Variants in PKNOX1 observed in about 807,000 individuals in gnomAD.
PKNOX1 encodes the protein PBX/knotted 1 homeobox 1, also known as homeobox protein PKNOX1.
PKNOX1 carries 15 observed loss-of-function variants against 51.9 expected under a neutral mutation model. The ratio of observed to expected loss-of-function variants is 0.29; its 90% CI spans 0.19 to 0.45. The LOEUF (loss-of-function observed/expected upper bound fraction) is 0.45, where lower values mean the gene tolerates loss of function less well. Among genes scored for constraint, PKNOX1 ranks in the 20% least tolerant of loss-of-function variants. PKNOX1 has a pLI of 1.00. For missense variants in PKNOX1, 462 were observed against 547.5 expected, an observed-to-expected ratio of 0.84 and a Z score of 1.56; for synonymous variants, 219 against 211.1, an observed-to-expected ratio of 1.04 and a Z score of -0.32.
intron 1 of PKNOX1, among the ~76,000 whole-genome samples, chr21:42,995,872 T>C (rs73233394): frequency 0.036 from 5,508 of 152,286 alleles, 138 homozygotes; most frequent in Non-Finnish European, 0.059. Context: ...TCTTGTATTT[T>C]AGAGCTTTTT....
At position 43,013,121 on chromosome 21, in the gene PKNOX1, T is replaced by C; in HGVS notation, c.405T>C (p.Val135=). The change falls in exon 5 of 11, where the codon GTT becomes GTC. Residue 135 remains valine (V), a synonymous_variant. Coordinates refer to ENST00000291547, the MANE Select transcript of PKNOX1 (RefSeq NM_004571.5). The part of the protein sequence containing the change: ...LRIHLLELEK[V]NELCKDFCSR... ...TTCATCTTCTTGAGCTGGAAAAGGT[T>C]AACGAACTCTGCAAAGATTTCTGCA... 6.2e-7 allele frequency: 1 copy of C among 1,613,906 alleles called. No individual in the cohort carries two copies. The highest frequency in any genetic ancestry group is 1.1e-5 in the South Asian group (1 of 91,038).
chr21:43,007,195 C>T (rs1484676530), intron 2 of PKNOX1, among the ~76,000 whole-genome samples: 1 of 152,158 alleles, frequency 6.6e-6, no homozygotes, highest in Non-Finnish European at 1.5e-5. Flanking sequence ...TAGCAATAGA[C>T]GGAGGAGTAG....
At chr21:43,011,460 C>T (rs1402371630) in intron 4 of PKNOX1, among the ~76,000 whole-genome samples, 1 of 152,180 alleles carries the variant, frequency 6.6e-6, no homozygotes, top group Non-Finnish European at 1.5e-5. Flanking sequence ...CCTCCAGAGG[C>T]AATGGAGAAC....
intron 5 of PKNOX1, among the ~76,000 whole-genome samples, chr21:43,015,270 G>T (rs926868382): frequency 2.6e-5 from 4 of 152,126 alleles, no homozygotes; most frequent in African/African-American, 9.7e-5. Flanking sequence ...ATCCTATATT[G>T]CTTTTTTTCT....
intron 8 of PKNOX1, chr21:43,024,490 G>T: frequency 5.9e-6 from 1 of 170,380 alleles, no homozygotes; most frequent in Non-Finnish European, 1.2e-5. Flanking sequence ...CTCTTTATAT[G>T]GATGTAGTTT....
intron 6 of PKNOX1, 168 bp downstream of exon 6, chr21:43,017,175 C>A: frequency 2.3e-6 from 1 of 435,362 alleles, no homozygotes; most frequent in Non-Finnish European, 4.1e-6. Flanking sequence ...TACTCAATAA[C>A]AAATATTTTA....
intron 3 of PKNOX1, among the ~76,000 whole-genome samples, chr21:43,007,927 G>C (rs1310644245): frequency 6.6e-6 from 1 of 151,948 alleles, no homozygotes; most frequent in Non-Finnish European, 1.5e-5. Context: ...AGCCAGACAT[G>C]GTGGCACATG....
rs2059021414 is a variant in PKNOX1, at chr21:42,980,637, G to T, written c.-57+5973G>T. On this transcript the variant is annotated intron_variant, in intron 1 of 10. Transcript: ENST00000291547. The stretch of plus-strand genomic sequence containing the variant: ...AAAGGAAATAAATAGATGAAGAAGA[G>T]AACAAATTATTTTGAAATACAGTTA... Among the ~76,000 whole-genome samples the T allele has an allele frequency of 1.3e-5, 2 of 152,084 alleles. 1 individual carries two copies. Among genetic ancestry groups the T allele is most frequent in the Admixed American group, 1.3e-4 (2 of 15,266 alleles).
At chr21:42,986,941 G>T (rs1396814243) in intron 1 of PKNOX1, among the ~76,000 whole-genome samples, 1 of 152,186 alleles carries the variant, frequency 6.6e-6, no homozygotes, top group Non-Finnish European at 1.5e-5. Context: ...CACTCTGGGA[G>T]TTGGTCCTCT....
At position 43,021,888 on chromosome 21, in the gene PKNOX1, G is replaced by C. The variant is rs1979774191; in HGVS notation, c.849+457G>C. On this transcript the variant is annotated intron_variant, in intron 8 of 10. Coordinates refer to ENST00000291547, the MANE Select transcript of PKNOX1 (RefSeq NM_004571.5). The surrounding 1 kb of genome is among the most constrained non-coding windows in gnomAD (Gnocchi z 4.6). Reference sequence around the variant, plus strand: ...GAAGCGAGTTTGTCCCACAGGGCGCGCCGTTTTGCCCAGCACGTGTGCACC... The same window carrying C: ...GAAGCGAGTTTGTCCCACAGGGCGCCCCGTTTTGCCCAGCACGTGTGCACC... Among the ~76,000 whole-genome samples the C allele has an allele frequency of 6.6e-6, 1 of 152,220 alleles. No individual in the cohort carries two copies. Among genetic ancestry groups the C allele is most frequent in the African/African-American group, 2.4e-5 (1 of 41,464 alleles).
intron 5 of PKNOX1, among the ~76,000 whole-genome samples, chr21:43,014,320 C>T (rs575758606): frequency 2.6e-5 from 4 of 151,618 alleles, no homozygotes; most frequent in African/African-American, 7.2e-5. Flanking sequence ...CACGCCTGGC[C>T]GTCTTTTGCG....
At chr21:42,990,627 G>A (rs1157621462) in intron 1 of PKNOX1, among the ~76,000 whole-genome samples, 1 of 152,138 alleles carries the variant, frequency 6.6e-6, no homozygotes, top group Non-Finnish European at 1.5e-5. Flanking sequence ...TTCATTGGCT[G>A]GGGCTCCTGG....
In PKNOX1 at chr21:43,030,492, G is replaced by A. The variant is rs1980216716; in HGVS notation, c.*391G>A. The A allele has an allele frequency of 6.3e-6, 1 of 158,804 alleles. No individual in the cohort carries two copies. 9.8% of individuals were successfully genotyped at this position (158,804 alleles called of 1,614,324 possible). ...TCTCAGTGGGCTGGTTGATTTGTGTGGCCCATGGATTTGAAAGAAGCTGCT... is the reference window on the plus strand; with the variant it reads ...TCTCAGTGGGCTGGTTGATTTGTGTAGCCCATGGATTTGAAAGAAGCTGCT... On this transcript the variant is annotated 3_prime_UTR_variant, in exon 11 of 11. Transcript: ENST00000291547.
intron 1 of PKNOX1, among the ~76,000 whole-genome samples, chr21:42,987,772 C>A (rs1002206545): frequency 6.6e-6 from 1 of 151,722 alleles, no homozygotes; most frequent in Non-Finnish European, 1.5e-5. Context: ...GTGCCCACCA[C>A]CACACCTGGC....
In PKNOX1 at chr21:43,003,415, T is replaced by G. The variant is rs537047487; in HGVS notation, c.-56-911T>G. Among the ~76,000 whole-genome samples, 4 of 152,304 alleles carry G rather than the reference T, an allele frequency of 2.6e-5. No individual in the cohort carries two copies. In the East Asian group the frequency reaches 7.7e-4, roughly 29 times the overall value. On this transcript the variant is annotated intron_variant, in intron 1 of 10. Transcript: ENST00000291547. Reference sequence around the variant, plus strand: ...AAGTGCGCCACACTTGCCTGTCTTATGTGCGTGTGTATATGAGCATGCCCA... The same window carrying G: ...AAGTGCGCCACACTTGCCTGTCTTAGGTGCGTGTGTATATGAGCATGCCCA...
chr21:42,995,800 C>T lies in PKNOX1; in HGVS notation c.-56-8526C>T, dbSNP rs116682589. 4.1e-3 allele frequency among the ~76,000 whole-genome samples: 622 copies of T among 152,316 alleles called. 4 individuals are homozygous for T. Among genetic ancestry groups the T allele is most frequent in the African/African-American group, 0.014 (589 of 41,564 alleles). ...GATGATTCCTGTCTGAAACGGCTTA[C>T]TGTGGTGGTTGCCGAATGGTGATGT... On this transcript the variant is annotated intron_variant, in intron 1 of 10. Transcript: ENST00000291547.
rs371638880 is a variant in PKNOX1 at position 43,024,813 on chromosome 21, C to G, written c.850-58C>G. The G allele has an allele frequency of 2.7e-6, 3 of 1,120,198 alleles. No individual in the cohort carries two copies. The African/African-American group carries it at 4.6e-5, about 17-fold the overall frequency. 69.4% of individuals were successfully genotyped at this position (1,120,198 alleles called of 1,614,324 possible). On this transcript the variant is annotated intron_variant, in intron 8 of 10. Transcript: ENST00000291547. Reference sequence around the variant, plus strand: ...TGTAATGCTCACATTTTGCCTAAATCGTCTTGATTTCCTTTGTAAACTCGA... The same window carrying G: ...TGTAATGCTCACATTTTGCCTAAATGGTCTTGATTTCCTTTGTAAACTCGA...
chr21:42,982,374 A>T (rs925096377), intron 1 of PKNOX1, among the ~76,000 whole-genome samples: 1 of 152,210 alleles, frequency 6.6e-6, no homozygotes, highest in Non-Finnish European at 1.5e-5. Context: ...TCTCTCAGAC[A>T]TTTTATGAAG....
intron 3 of PKNOX1, among the ~76,000 whole-genome samples, chr21:43,009,833 G>A (rs1024775591): frequency 4.6e-5 from 7 of 152,148 alleles, no homozygotes; most frequent in Admixed American, 3.9e-4. Context: ...ATTGGATACA[G>A]GGTTTCTTTG....
Sources: allele counts gnomAD v4.1 joint callset (sites outside exome capture counted in the v4.1 genomes callset), GRCh38; gene constraint gnomAD v4.1.1; non-coding constraint Gnocchi (gnomAD v3.1); transcripts MANE v1.5; gene names NCBI Gene and HGNC (gene_info 2026-07-23, HGNC 2026-07-21).